EFCAB6: variants seen among roughly 807,000 people sequenced by gnomAD.
The protein encoded by EFCAB6 is EF-hand calcium-binding domain-containing protein 6.
In EFCAB6, 156 loss-of-function variants were observed where a neutral mutation model predicts 169.8. The ratio of observed to expected loss-of-function variants is 0.92; its 90% CI spans 0.81 to 1.05. EFCAB6 has a LOEUF of 1.05. EFCAB6 is among the 50% of genes least tolerant of loss of function. The pLI, the probability that EFCAB6 is intolerant of heterozygous loss-of-function variation, is 0.00. For missense variants in EFCAB6, 1,800 were observed against 1,829.1 expected (o/e 0.98, Z 0.29); for synonymous variants, 698 against 676.4 (o/e 1.03, Z -0.50).
chr22:43,583,622 T>G (rs1204678193), intron 24 of EFCAB6, among the ~76,000 whole-genome samples: 3 of 152,028 alleles, frequency 2.0e-5, no homozygotes, highest in Non-Finnish European at 4.4e-5. Context: ...AGCGAGGCCT[T>G]TGGGAGGTGA....
chr22:43,753,870 G>C (rs569052572), intron 6 of EFCAB6, among the ~76,000 whole-genome samples: 1 of 152,116 alleles, frequency 6.6e-6, no homozygotes, highest in Non-Finnish European at 1.5e-5. Context: ...TAAGCCACGT[G>C]GGCTCATATT....
At chr22:43,792,898 G>A (rs375707738) in intron 2 of EFCAB6, among the ~76,000 whole-genome samples, 2 of 152,210 alleles carry the variant, frequency 1.3e-5, no homozygotes, top group East Asian at 3.9e-4. Flanking sequence ...GTTGTGTGAC[G>A]GGGACACTCA....
chr22:43,540,002 CCA>C, intron 28 of EFCAB6, 123 bp downstream of exon 28: 1 of 1,055,232 alleles, frequency 9.5e-7, no homozygotes, highest in Non-Finnish European at 1.4e-6. Context: ...TGCCCCCACC[CCA>C]GACTCACCCG....
intron 19 of EFCAB6, 53 bp downstream of exon 19, chr22:43,632,052 G>A: frequency 1.3e-6 from 2 of 1,598,226 alleles, no homozygotes; most frequent in Non-Finnish European, 8.5e-7. Flanking sequence ...GGGCTGCGTG[G>A]TTGGGAGCAG....
chr22:43,576,927 C>T (rs1051789180), intron 25 of EFCAB6, among the ~76,000 whole-genome samples: 2 of 152,200 alleles, frequency 1.3e-5, no homozygotes, highest in African/African-American at 4.8e-5. Context: ...AGAGACCCCA[C>T]CGCATCACAT....
At chr22:43,678,499 C>T (rs1202256619) in intron 12 of EFCAB6, among the ~76,000 whole-genome samples, 1 of 152,068 alleles carries the variant, frequency 6.6e-6, no homozygotes, top group Non-Finnish European at 1.5e-5. Context: ...ATGGCTTGAA[C>T]AGCTCCTCAC....
rs777593704 is a variant in EFCAB6 at position 43,580,563 on chromosome 22, T to C, written c.3129A>G (p.Lys1043=). The C allele has an allele frequency of 1.2e-6, 2 of 1,614,212 alleles. No homozygotes were observed. The highest frequency in any genetic ancestry group is 1.1e-5 in the South Asian group (1 of 91,082). Residue 1043 remains lysine (K), a synonymous_variant, in exon 25 of 32, where the codon AAA becomes AAG. Transcript: ENST00000262726. Reference sequence around the variant, plus strand: ...CAAAATTGATTGGCATGCTCTCTTCTTTTTCCTTGGGCTGAGCTCCTGTTG... The same window carrying C: ...CAAAATTGATTGGCATGCTCTCTTCCTTTTCCTTGGGCTGAGCTCCTGTTG... ...SKSTGAQPKE[K]EESMPINFAT... is the part of the protein sequence containing the mutation.
chr22:43,672,731 G>A (rs1261967256), intron 13 of EFCAB6, among the ~76,000 whole-genome samples: 1 of 152,110 alleles, frequency 6.6e-6, no homozygotes, highest in African/African-American at 2.4e-5. Context: ...GATGGAGGTT[G>A]GGAGGAGAGA....
intron 9 of EFCAB6, among the ~76,000 whole-genome samples, chr22:43,714,022 TCAATTAATTGA>T (rs2147402034): frequency 6.6e-6 from 1 of 152,050 alleles, no homozygotes; most frequent in Non-Finnish European, 1.5e-5. Flanking sequence ...AATTAGAAAA[TCAATTAATTGA>T]AAGAAAATCT....
At chr22:43,539,226 A>G (rs763078905) in intron 28 of EFCAB6, among the ~76,000 whole-genome samples, 2 of 152,196 alleles carry the variant, frequency 1.3e-5, no homozygotes, top group Non-Finnish European at 2.9e-5. Flanking sequence ...CAACATAGTC[A>G]CAGCTTCCAA....
intron 8 of EFCAB6, among the ~76,000 whole-genome samples, chr22:43,728,800 G>A (rs1392463576): frequency 3.3e-5 from 5 of 152,164 alleles, no homozygotes; most frequent in East Asian, 1.9e-4. Flanking sequence ...TATAGATTCT[G>A]GATATTAGAC....
At chr22:43,680,429 C>T (rs2057957878) in intron 12 of EFCAB6, among the ~76,000 whole-genome samples, 1 of 151,032 alleles carries the variant, frequency 6.6e-6, no homozygotes, top group Non-Finnish European at 1.5e-5. Flanking sequence ...GCTGTTCTTC[C>T]ACCTTTGTAT....
At chr22:43,811,832 A>G (rs1223831088) in intron 1 of EFCAB6, among the ~76,000 whole-genome samples, 1 of 152,164 alleles carries the variant, frequency 6.6e-6, no homozygotes, top group Admixed American at 6.5e-5. Flanking sequence ...GGAGAGATTT[A>G]GGGCGTTTCC....
intron 8 of EFCAB6, among the ~76,000 whole-genome samples, chr22:43,730,264 G>A (rs868489859): frequency 4.7e-5 from 1 of 21,504 alleles, no homozygotes; most frequent in Non-Finnish European, 1.0e-4. Context: ...GGAGGAAAGG[G>A]AGCGAGGGAG....
Position 43,745,326 on chromosome 22 carries a change from C to G in EFCAB6, c.508-9333G>C, listed in dbSNP as rs1358569789. On this transcript the variant is annotated intron_variant, in intron 6 of 31. Coordinates refer to ENST00000262726, the MANE Select transcript of EFCAB6 (RefSeq NM_022785.4). ...GCCTGGAAAACAATCCCTCTGGAGG[C>G]CTGGCACTAACGTGGCCCTTCCCGG... Among the ~76,000 whole-genome samples the G allele has an allele frequency of 2.0e-5, 3 of 152,240 alleles. No individual in the cohort carries two copies. In the East Asian group the frequency reaches 5.8e-4, roughly 29 times the overall value.
At chr22:43,691,287 T>C (rs2058403946) in intron 10 of EFCAB6, among the ~76,000 whole-genome samples, 1 of 152,168 alleles carries the variant, frequency 6.6e-6, no homozygotes, top group Non-Finnish European at 1.5e-5. Flanking sequence ...ATTATATATG[T>C]TCATCTTAAA....
intron 10 of EFCAB6, among the ~76,000 whole-genome samples, chr22:43,691,939 G>A (rs552984367): frequency 6.6e-6 from 1 of 152,172 alleles, no homozygotes; most frequent in East Asian, 1.9e-4. Flanking sequence ...TTTCAGCCTC[G>A]GATGAGGCAC....
intron 8 of EFCAB6, among the ~76,000 whole-genome samples, chr22:43,722,748 G>C (rs551093784): frequency 6.6e-6 from 1 of 152,120 alleles, no homozygotes; most frequent in Non-Finnish European, 1.5e-5. Context: ...AACAACACAT[G>C]CACTCATATG....
intron 15 of EFCAB6, 104 bp downstream of exon 15, chr22:43,671,869 A>C (rs1461511320): frequency 1.5e-6 from 2 of 1,354,770 alleles, no homozygotes; most frequent in Non-Finnish European, 1.0e-6. Flanking sequence ...GTTATTATCA[A>C]TACTACCTAT....
Sources: gnomAD v4.1 joint callset for allele counts (sites outside exome capture counted in the v4.1 genomes callset) on GRCh38, gnomAD v4.1.1 for gene constraint, MANE v1.5 for transcripts, NCBI Gene and HGNC (gene_info 2026-07-23, HGNC 2026-07-21) for gene names.